SPICE1: variants seen among roughly 807,000 people sequenced by gnomAD.
SPICE1 encodes spindle and centriole-associated protein 1.
In SPICE1, 75 loss-of-function variants were observed where a neutral mutation model predicts 102.7. That is an observed-to-expected ratio of 0.73 (90% confidence interval 0.61 to 0.88). SPICE1 has a LOEUF of 0.88. Among genes scored for constraint, SPICE1 ranks in the 40% least tolerant of loss-of-function variants. The pLI is 0.00. For synonymous variants in SPICE1, 308 were observed against 350.3 expected (o/e 0.88, Z 1.35); for missense variants, 979 against 1,020.1 (o/e 0.96, Z 0.55).
intron 6 of SPICE1, 110 bp from the exon 7 acceptor site, chr3:113,489,173 A>G: frequency 1.6e-6 from 1 of 643,028 alleles, no homozygotes; most frequent in East Asian, 2.7e-5. Context: ...TAAGCCCTCC[A>G]CATGTTGTAG....
intron 1 of SPICE1, among the ~76,000 whole-genome samples, chr3:113,506,876 C>T (rs1214556887): frequency 6.6e-6 from 1 of 152,058 alleles, no homozygotes; most frequent in Non-Finnish European, 1.5e-5. Flanking sequence ...AAATTATGGC[C>T]TAAAGCCGAG....
chr3:113,463,079 GC>G (rs1220148938), intron 11 of SPICE1, among the ~76,000 whole-genome samples: 1 of 152,004 alleles, frequency 6.6e-6, no homozygotes. Flanking sequence ...TCTTCTCTCA[GC>G]TACCCACATG....
At chr3:113,483,322 T>G (rs1936564507) in intron 7 of SPICE1, among the ~76,000 whole-genome samples, 1 of 152,194 alleles carries the variant, frequency 6.6e-6, no homozygotes, top group Non-Finnish European at 1.5e-5. Context: ...CGATGGTGTT[T>G]TCTAAATATA....
At position 113,500,903 on chromosome 3, in the gene SPICE1, T is replaced by A. The variant is rs574549085; in HGVS notation, c.148-1321A>T. Among the ~76,000 whole-genome samples, 34 of 152,278 alleles carry A rather than the reference T, an allele frequency of 2.2e-4. 1 individual carries two copies. The South Asian group carries it at 7.0e-3, about 32-fold the overall frequency. ...CCCATTGAGATTGGGCACATCCTTA[T>A]AAAGACAAATGATATACATTAGATG... On this transcript the variant is annotated intron_variant, in intron 3 of 17. Transcript: ENST00000295872.
At chr3:113,504,571 CAAAAAAAAAA>C (rs71633321) in intron 2 of SPICE1, among the ~76,000 whole-genome samples, 2 of 67,840 alleles carry the variant, frequency 2.9e-5, no homozygotes, top group Admixed American at 1.8e-4. Flanking sequence ...GACCTTGTCT[CAAAAAAAAAA>C]AAAAAAAAAA....
At chr3:113,449,027 T>A (rs1935581686) in intron 15 of SPICE1, 1 of 152,220 alleles carries the variant, frequency 6.6e-6, no homozygotes, top group African/African-American at 2.4e-5. Context: ...TCAGTTTACT[T>A]ATTCATCAAA....
At chr3:113,473,064 G>C (rs944511173) in intron 7 of SPICE1, among the ~76,000 whole-genome samples, 3 of 152,134 alleles carry the variant, frequency 2.0e-5, no homozygotes, top group Non-Finnish European at 2.9e-5. Flanking sequence ...TGTATAACTA[G>C]GATAACCAAT....
At chr3:113,460,995 TTAAG>T (rs1430194076) in intron 11 of SPICE1, among the ~76,000 whole-genome samples, 1 of 152,090 alleles carries the variant, frequency 6.6e-6, no homozygotes. Flanking sequence ...AGGGAAATGG[TTAAG>T]TAAATCATGA....
Position 113,499,457 on chromosome 3 carries a change from T to C in SPICE1, c.273A>G (p.Arg91=). The C allele has an allele frequency of 6.2e-7, 1 of 1,613,006 alleles. No homozygotes were observed. The highest frequency in any genetic ancestry group is 1.7e-4 in the Middle Eastern group (1 of 6,050). ...KPETLNLEKR[R]LSIMKEILSD... is the part of the protein sequence containing the mutation. ...GCATTACCTCCTTCATGATAGACAA[T>C]CTTCTTTTCTCAAGATTTAAAGTTT... The change falls in exon 4 of 18, where the codon AGA becomes AGG. Residue 91 remains arginine, a synonymous_variant. Transcript: ENST00000295872.
At chr3:113,513,155 C>T (rs955505040) in intron 1 of SPICE1, among the ~76,000 whole-genome samples, 4 of 152,134 alleles carry the variant, frequency 2.6e-5, no homozygotes, top group Admixed American at 1.3e-4. Context: ...ATCTGTAATC[C>T]CAGCAACTCG....
At chr3:113,463,328 T>G (rs1935978395) in intron 11 of SPICE1, among the ~76,000 whole-genome samples, 1 of 152,254 alleles carries the variant, frequency 6.6e-6, no homozygotes, top group Admixed American at 6.5e-5. Context: ...TTGTTCACTA[T>G]TCTATTTCCT....
At chr3:113,476,080 A>G (rs1936337648) in intron 7 of SPICE1, among the ~76,000 whole-genome samples, 2 of 152,092 alleles carry the variant, frequency 1.3e-5, no homozygotes, top group Non-Finnish European at 2.9e-5. Context: ...AAGCAACTTC[A>G]GCAAAGTCTC....
intron 10 of SPICE1, 60 bp from the exon 11 acceptor site, chr3:113,465,844 T>G: frequency 6.4e-7 from 1 of 1,555,214 alleles, no homozygotes; most frequent in Non-Finnish European, 8.7e-7. Flanking sequence ...AACTAAAAGT[T>G]TGCACTCAAA....
At chr3:113,451,312 A>T (rs1935646970) in intron 14 of SPICE1, among the ~76,000 whole-genome samples, 1 of 152,164 alleles carries the variant, frequency 6.6e-6, no homozygotes, top group Non-Finnish European at 1.5e-5. Flanking sequence ...CATAAATTTA[A>T]TTTGAAAATT....
chr3:113,479,079 C>G (rs1936429210), intron 7 of SPICE1, among the ~76,000 whole-genome samples: 1 of 150,548 alleles, frequency 6.6e-6, no homozygotes, highest in Non-Finnish European at 1.5e-5. Context: ...CACCCATTAA[C>G]TCGTCATTTA....
chr3:113,453,720 T>C lies in SPICE1; in HGVS notation c.1888A>G (p.Asn630Asp), dbSNP rs747837355. ...GACTGTTGAGTGTTGGAATGGGAAT[T>C]GCAGAGGGGCTGTGAGAGGTTAACA... is the stretch of plus-strand genomic sequence containing the variant. Reference protein sequence around the residue: ...PFVNLSQPLCNSHSNTQQSRS... With the variant: ...PFVNLSQPLCDSHSNTQQSRS... The change falls in exon 14 of 18, where the codon AAT becomes GAT. Residue 630 changes from asparagine to aspartate, a missense_variant. Coordinates refer to ENST00000295872, the MANE Select transcript of SPICE1 (RefSeq NM_144718.4). The C allele has an allele frequency of 2.2e-5, 35 of 1,614,022 alleles. No individual in the cohort carries two copies. In the South Asian group the frequency reaches 3.4e-4, roughly 16 times the overall value.
chr3:113,477,714 C>T (rs1203589490), intron 7 of SPICE1, among the ~76,000 whole-genome samples: 2 of 145,464 alleles, frequency 1.4e-5, no homozygotes, highest in Non-Finnish European at 3.0e-5. Flanking sequence ...CATGTTCTCA[C>T]TCATAGGTGG....
rs373928035 is a variant in SPICE1, at chr3:113,453,430, C to T, written c.2142+36G>A. On this transcript the variant is annotated intron_variant, in intron 14 of 17. Coordinates refer to ENST00000295872, the MANE Select transcript of SPICE1 (RefSeq NM_144718.4). ...CAAGCTAAAGTTCCTATTTAAATTC[C>T]TATATGTCCCTAATCAATCCTTAAA... 2.5e-5 allele frequency: 39 copies of T among 1,538,908 alleles called. No homozygotes were observed. In the African/African-American group the frequency reaches 4.6e-4, roughly 18 times the overall value.
At chr3:113,468,076 A>G in intron 10 of SPICE1, 63 bp downstream of exon 10, 2 of 1,552,288 alleles carry the variant, frequency 1.3e-6, no homozygotes, top group Non-Finnish European at 1.7e-6. Context: ...CAATAAATGG[A>G]AAGGAAAAAA....
Sources: allele counts gnomAD v4.1 joint callset (sites outside exome capture counted in the v4.1 genomes callset), GRCh38; gene constraint gnomAD v4.1.1; transcripts MANE v1.5; gene names NCBI Gene and HGNC (gene_info 2026-07-23, HGNC 2026-07-21).